TMEM132D: variants seen among roughly 807,000 people sequenced by gnomAD.
TMEM132D encodes the protein mature OL transmembrane protein.
In TMEM132D, 21 loss-of-function variants were observed where a neutral mutation model predicts 62.3. The observed-to-expected ratio is 0.34, with a 90% CI of 0.24 to 0.49. The LOEUF is 0.49. Among genes scored for constraint, TMEM132D ranks in the 20% least tolerant of loss-of-function variants. TMEM132D has a pLI of 0.99. For synonymous variants in TMEM132D, 621 were observed against 575.6 expected (o/e 1.08, Z -1.13); for missense variants, 1,346 against 1,402.8 (o/e 0.96, Z 0.65).
chr12:129,587,782 A>G (rs1465661951), intron 2 of TMEM132D, among the ~76,000 whole-genome samples: 1 of 152,220 alleles, frequency 6.6e-6, no homozygotes, highest in Non-Finnish European at 1.5e-5. Flanking sequence ...CAAAACAAAC[A>G]ACAAAACATA....
intron 2 of TMEM132D, among the ~76,000 whole-genome samples, chr12:129,661,397 C>T (rs1415187377): frequency 1.3e-5 from 2 of 152,208 alleles, no homozygotes; most frequent in Non-Finnish European, 2.9e-5. Context: ...GATCGCAAAA[C>T]ACATTTCAGA....
chr12:129,335,694 G>A (rs1229634467), intron 4 of TMEM132D, among the ~76,000 whole-genome samples: 1 of 151,830 alleles, frequency 6.6e-6, no homozygotes, highest in Non-Finnish European at 1.5e-5. Flanking sequence ...AAGGAGAATT[G>A]TCGAAGATGC....
chr12:129,500,890 A>C (rs968118302), intron 3 of TMEM132D, among the ~76,000 whole-genome samples: 1 of 152,180 alleles, frequency 6.6e-6, no homozygotes, highest in Non-Finnish European at 1.5e-5. Flanking sequence ...GCAGTAATGA[A>C]CTTTTTATGA....
At chr12:129,323,942 T>C (rs967400618) in intron 4 of TMEM132D, among the ~76,000 whole-genome samples, 6 of 152,102 alleles carry the variant, frequency 3.9e-5, no homozygotes, top group Non-Finnish European at 8.8e-5. Flanking sequence ...TTAAGATTTG[T>C]TTTGTAAATA....
intron 6 of TMEM132D, among the ~76,000 whole-genome samples, chr12:129,083,902 C>T (rs950140051): frequency 1.3e-5 from 2 of 152,284 alleles, no homozygotes; most frequent in African/African-American, 2.4e-5. Context: ...CAAGCACCAT[C>T]GGGGTAATGT....
chr12:129,864,519 G>A (rs1476305250), intron 1 of TMEM132D, among the ~76,000 whole-genome samples: 1 of 152,168 alleles, frequency 6.6e-6, no homozygotes, highest in Non-Finnish European at 1.5e-5. Context: ...AAAAGATAAG[G>A]TGTTTTTCCT....
chr12:129,464,475 A>G (rs1055524953), intron 3 of TMEM132D, among the ~76,000 whole-genome samples: 1 of 152,150 alleles, frequency 6.6e-6, no homozygotes, highest in African/African-American at 2.4e-5. Context: ...CTTGAGTTTT[A>G]TTAGATCCCA....
At chr12:129,519,863 C>G (rs1345668000) in intron 3 of TMEM132D, among the ~76,000 whole-genome samples, 1 of 152,142 alleles carries the variant, frequency 6.6e-6, no homozygotes, top group African/African-American at 2.4e-5. Flanking sequence ...CCCGCCTCCG[C>G]CTCCCAAAGT....
chr12:129,693,534 C>T (rs1029406338), intron 2 of TMEM132D, among the ~76,000 whole-genome samples: 6 of 152,082 alleles, frequency 3.9e-5, no homozygotes, highest in Non-Finnish European at 8.8e-5. Context: ...AGTAACTTTA[C>T]GGTGGAGAAA....
intron 1 of TMEM132D, among the ~76,000 whole-genome samples, chr12:129,794,839 AATC>A (rs1350487023): frequency 1.3e-5 from 2 of 152,166 alleles, no homozygotes; most frequent in Non-Finnish European, 2.9e-5. Flanking sequence ...CTATAAAGAG[AATC>A]ATATCACTGC....
At chr12:129,530,343 T>C (rs565061979) in intron 3 of TMEM132D, among the ~76,000 whole-genome samples, 1 of 144,666 alleles carries the variant, frequency 6.9e-6, no homozygotes, top group Non-Finnish European at 1.5e-5. Context: ...TTCAATAGAA[T>C]CCTGAGCAAA....
At chr12:129,740,589 C>T (rs1240863048) in intron 1 of TMEM132D, among the ~76,000 whole-genome samples, 2 of 152,178 alleles carry the variant, frequency 1.3e-5, no homozygotes. Flanking sequence ...ACTAGTTCTA[C>T]TGATTGAAAC....
chr12:129,698,552 AGGGGAGAAGG>A (rs1565952934), intron 2 of TMEM132D, among the ~76,000 whole-genome samples: 1 of 2,538 alleles, frequency 3.9e-4, no homozygotes, highest in Admixed American at 5.4e-3. Context: ...AGGGGAGGGG[AGGGGAGAAGG>A]GAGGGGAGAA....
chr12:129,822,638 A>G (rs1047671472), intron 1 of TMEM132D, among the ~76,000 whole-genome samples: 1 of 152,202 alleles, frequency 6.6e-6, no homozygotes, highest in Non-Finnish European at 1.5e-5. Context: ...ATTGACTCAC[A>G]GTTCCACACG....
chr12:129,356,071 C>G (rs1242294932), intron 3 of TMEM132D, among the ~76,000 whole-genome samples: 3 of 151,994 alleles, frequency 2.0e-5, no homozygotes, highest in African/African-American at 4.8e-5. Context: ...ACTGGGTTCT[C>G]CTGGAAGCGC....
rs71085578 is a variant in TMEM132D at position 129,839,117 on chromosome 12, A to ATTTTTTTTTTTTTTTTTTTTT, written c.79+64123_79+64143dup. 2.4e-3 allele frequency among the ~76,000 whole-genome samples: 50 copies of ATTTTTTTTTTTTTTTTTTTTT among 20,712 alleles called. 18 individuals carry two copies. The highest frequency in any genetic ancestry group is 3.9e-3 in the Admixed American group (3 of 764). The allele number at this position is 20,712 out of a possible 152,430, so 13.6% of individuals were successfully genotyped here. ...AGGCGTCCACCACCACGCCTGGCTA[A>ATTTTTTTTTTTTTTTTTTTTT]TTTTTTTTTTTTTTTTTTTTTTTTT... On this transcript the variant is annotated intron_variant, in intron 1 of 8. Coordinates refer to ENST00000422113, the MANE Select transcript of TMEM132D (RefSeq NM_133448.3).
chr12:129,605,587 T>C (rs1342101672), intron 2 of TMEM132D, among the ~76,000 whole-genome samples: 1 of 107,384 alleles, frequency 9.3e-6, no homozygotes, highest in Admixed American at 9.7e-5. Context: ...AAATTAGGCA[T>C]TATATATATA....
chr12:129,715,956 G>T (rs902767646), intron 1 of TMEM132D, among the ~76,000 whole-genome samples: 6 of 152,122 alleles, frequency 3.9e-5, no homozygotes, highest in African/African-American at 1.4e-4. Context: ...GCATTGCCAC[G>T]CAGAGAGGGT....
intron 3 of TMEM132D, among the ~76,000 whole-genome samples, chr12:129,466,290 T>G (rs1323569028): frequency 8.5e-4 from 1 of 1,178 alleles, no homozygotes; most frequent in African/African-American, 1.6e-3. Context: ...TTTTTTTTTT[T>G]TTTTTTTTTT....
Sources: gnomAD v4.1 joint callset for allele counts (sites outside exome capture counted in the v4.1 genomes callset) on GRCh38, gnomAD v4.1.1 for gene constraint, MANE v1.5 for transcripts, NCBI Gene and HGNC (gene_info 2026-07-23, HGNC 2026-07-21) for gene names.